ANGPT1: variants seen among roughly 807,000 people sequenced by gnomAD.
The protein encoded by ANGPT1 is angiopoietin-1.
In ANGPT1, 17 loss-of-function variants were observed where a neutral mutation model predicts 62.2. That is an observed-to-expected ratio of 0.27 (90% confidence interval 0.19 to 0.41). The LOEUF (loss-of-function observed/expected upper bound fraction) is 0.41, where lower values mean the gene tolerates loss of function less well. ANGPT1 is among the 10% of genes least tolerant of loss of function. The pLI is 1.00. For synonymous variants in ANGPT1, 199 were observed against 198.9 expected (o/e 1.00, Z 0.00); for missense variants, 478 against 594.9 (o/e 0.80, Z 2.04).
intron 1 of ANGPT1, among the ~76,000 whole-genome samples, chr8:107,492,597 A>G (rs1215047400): frequency 7.3e-6 from 1 of 136,648 alleles, no homozygotes; most frequent in Non-Finnish European, 1.6e-5. Context: ...TTGGCGTCCC[A>G]AAGTGCTGGG....
chr8:107,266,122 G>A lies in ANGPT1; in HGVS notation c.1206-1771C>T, dbSNP rs559721871. 8.5e-5 allele frequency among the ~76,000 whole-genome samples: 13 copies of A among 152,282 alleles called. No homozygotes were observed. In the East Asian group the frequency reaches 2.5e-3, roughly 29 times the overall value. On this transcript the variant is annotated intron_variant, in intron 7 of 8. Coordinates refer to ENST00000517746, the MANE Select transcript of ANGPT1 (RefSeq NM_001146.5). ...GAGAGGCAGACTACAAGTAACTGGTGATGCAAAATTGTAGAATTTTTTAAA... is the reference window on the plus strand; with the variant it reads ...GAGAGGCAGACTACAAGTAACTGGTAATGCAAAATTGTAGAATTTTTTAAA...
chr8:107,399,857 T>C (rs1248068502), intron 1 of ANGPT1, among the ~76,000 whole-genome samples: 2 of 152,144 alleles, frequency 1.3e-5, no homozygotes, highest in Non-Finnish European at 2.9e-5. Context: ...CCACACTTGT[T>C]GGGTAGAAAG....
At chr8:107,293,612 G>A (rs1814336289) in intron 6 of ANGPT1, among the ~76,000 whole-genome samples, 1 of 152,082 alleles carries the variant, frequency 6.6e-6, no homozygotes, top group Non-Finnish European at 1.5e-5. Context: ...ACCCTGCACA[G>A]CTCCCTTGGT....
chr8:107,354,240 T>C (rs925126183), intron 1 of ANGPT1, among the ~76,000 whole-genome samples: 3 of 152,162 alleles, frequency 2.0e-5, no homozygotes, highest in African/African-American at 7.2e-5. Flanking sequence ...ACTAGTAAAA[T>C]GTCAGAGTCA....
intron 1 of ANGPT1, among the ~76,000 whole-genome samples, chr8:107,433,415 G>A (rs1307621834): frequency 6.6e-6 from 1 of 152,170 alleles, no homozygotes; most frequent in Non-Finnish European, 1.5e-5. Context: ...AAGATCCTGT[G>A]CAGAGAAAGG....
At chr8:107,396,697 A>G (rs1162147924) in intron 1 of ANGPT1, among the ~76,000 whole-genome samples, 1 of 151,218 alleles carries the variant, frequency 6.6e-6, no homozygotes, top group Non-Finnish European at 1.5e-5. Context: ...ATTTTTCTGT[A>G]CGTTTTGTAA....
intron 1 of ANGPT1, among the ~76,000 whole-genome samples, chr8:107,434,182 T>TC (rs1811276386): frequency 6.6e-6 from 1 of 152,142 alleles, no homozygotes; most frequent in African/African-American, 2.4e-5. Context: ...GTAATAACAT[T>TC]CCCACAGGGA....
At chr8:107,346,436 T>C (rs1815804662) in intron 2 of ANGPT1, among the ~76,000 whole-genome samples, 1 of 152,196 alleles carries the variant, frequency 6.6e-6, no homozygotes, top group South Asian at 2.1e-4. Flanking sequence ...TACTCGTTGG[T>C]ACTCAAATAA....
At chr8:107,319,423 T>A (rs1586219546) in intron 4 of ANGPT1, among the ~76,000 whole-genome samples, 1 of 152,260 alleles carries the variant, frequency 6.6e-6, no homozygotes, top group South Asian at 2.1e-4. Flanking sequence ...TTTTTTAAGA[T>A]CTTGTAGAAT....
chr8:107,452,249 A>T, intron 1 of ANGPT1, among the ~76,000 whole-genome samples: 1 of 151,582 alleles, frequency 6.6e-6, no homozygotes, highest in East Asian at 1.9e-4. Context: ...AATAAAATGA[A>T]ATTAGAGAAA....
chr8:107,250,456 T>C lies in ANGPT1; in HGVS notation c.*1399A>G, dbSNP rs1004368765. ...TTGTATATATTTCCCTTACATATAATAGTTTTGCCAATTTTTCTCCCCTGA... is the reference window on the plus strand; with the variant it reads ...TTGTATATATTTCCCTTACATATAACAGTTTTGCCAATTTTTCTCCCCTGA... On this transcript the variant is annotated 3_prime_UTR_variant, in exon 9 of 9. Coordinates refer to ENST00000517746, the MANE Select transcript of ANGPT1 (RefSeq NM_001146.5). The C allele has an allele frequency of 1.1e-4, 16 of 152,236 alleles. No homozygotes were observed. The highest frequency in any genetic ancestry group is 3.4e-3 in the Middle Eastern group (1 of 294). The allele number at this position is 152,236 out of a possible 1,614,324, so 9.4% of individuals were successfully genotyped here.
chr8:107,366,777 G>C (rs1316871770), intron 1 of ANGPT1, among the ~76,000 whole-genome samples: 1 of 152,140 alleles, frequency 6.6e-6, no homozygotes, highest in Non-Finnish European at 1.5e-5. Flanking sequence ...TATCAGAGTT[G>C]ATCTGTGTGA....
At chr8:107,293,513 T>G (rs1298936418) in intron 6 of ANGPT1, among the ~76,000 whole-genome samples, 1 of 152,134 alleles carries the variant, frequency 6.6e-6, no homozygotes, top group Non-Finnish European at 1.5e-5. Flanking sequence ...AAAGGTCACA[T>G]GGAGAAGCTT....
intron 5 of ANGPT1, among the ~76,000 whole-genome samples, chr8:107,302,218 A>G (rs559447222): frequency 6.6e-6 from 1 of 152,046 alleles, no homozygotes; most frequent in East Asian, 1.9e-4. Context: ...AGGGAATCAG[A>G]GAAGATTCCA....
intron 4 of ANGPT1, among the ~76,000 whole-genome samples, chr8:107,310,871 CAGAG>C: frequency 6.6e-6 from 1 of 152,030 alleles, no homozygotes; most frequent in South Asian, 2.1e-4. Flanking sequence ...GCTTCAAAGA[CAGAG>C]AGGATAGGCT....
intron 1 of ANGPT1, among the ~76,000 whole-genome samples, chr8:107,422,887 G>A (rs915014127): frequency 2.0e-5 from 3 of 152,110 alleles, no homozygotes; most frequent in Admixed American, 6.6e-5. Flanking sequence ...TAAATGATAC[G>A]TGAAAAACTC....
At chr8:107,393,126 CT>C (rs1347303372) in intron 1 of ANGPT1, among the ~76,000 whole-genome samples, 1 of 152,180 alleles carries the variant, frequency 6.6e-6, no homozygotes, top group Non-Finnish European at 1.5e-5. Context: ...AATCATGTTA[CT>C]TTTTCATGAT....
intron 1 of ANGPT1, among the ~76,000 whole-genome samples, chr8:107,438,203 C>T (rs1397818599): frequency 1.3e-5 from 2 of 152,162 alleles, no homozygotes; most frequent in African/African-American, 4.8e-5. Flanking sequence ...CATGTGAAAT[C>T]CCAGTTTACC....
chr8:107,257,870 G>GTTTTTTTT lies in ANGPT1; in HGVS notation c.1337-5856_1337-5855insAAAAAAAA, dbSNP rs750634420. On this transcript the variant is annotated intron_variant, in intron 8 of 8. Coordinates refer to ENST00000517746, the MANE Select transcript of ANGPT1 (RefSeq NM_001146.5). ...TATATCCTCTTCAGGCCAAGGACTTGTTTTTGTTTCTTTTTTGTTTGTTTG... is the reference window on the plus strand; with the variant it reads ...TATATCCTCTTCAGGCCAAGGACTTGTTTTTTTTTTTTTGTTTCTTTTTTGTTTGTTTG... Among the ~76,000 whole-genome samples, 32 of 45,206 alleles carry GTTTTTTTT rather than the reference G, an allele frequency of 7.1e-4. 2 individuals are homozygous for GTTTTTTTT. Among genetic ancestry groups the GTTTTTTTT allele is most frequent in the Non-Finnish European group, 7.8e-4 (17 of 21,696 alleles). The allele number at this position is 45,206 out of a possible 152,430, so 29.7% of individuals were successfully genotyped here. A position where few individuals can be genotyped will look rare whatever the true frequency, so the allele number is the denominator to read the frequency against.
Sources: gnomAD v4.1 joint callset for allele counts (sites outside exome capture counted in the v4.1 genomes callset) on GRCh38, gnomAD v4.1.1 for gene constraint, MANE v1.5 for transcripts, NCBI Gene and HGNC (gene_info 2026-07-23, HGNC 2026-07-21) for gene names.